QKI: variants seen among roughly 807,000 people sequenced by gnomAD.
QKI encodes the protein QKI, KH domain containing RNA binding.
Under a neutral mutation model 39.0 loss-of-function variants are expected in QKI, and 10 were observed. That is an observed-to-expected ratio of 0.26 (90% CI 0.16 to 0.43). The LOEUF (loss-of-function observed/expected upper bound fraction) is 0.43, where lower values mean the gene tolerates loss of function less well. Ranked by LOEUF, QKI falls within the 20% of genes least tolerant of loss-of-function variation. The probability of loss-of-function intolerance (pLI) is 1.00; values close to 1 mark genes in which losing one functional copy is unlikely to be tolerated. For synonymous variants in QKI, 204 were observed against 155.4 expected (o/e 1.31, Z -2.33); for missense variants, 218 against 428.0 (o/e 0.51, Z 4.33).
chr6:163,567,684 A>G (rs1278232141), intron 7 of QKI: 1 of 984,992 alleles, frequency 1.0e-6, no homozygotes, highest in East Asian at 1.1e-4. Flanking sequence ...ATTGTTTTCT[A>G]AGTTTTTCCA....
At chr6:163,445,790 A>G (rs972267025) in intron 1 of QKI, among the ~76,000 whole-genome samples, 1 of 151,728 alleles carries the variant, frequency 6.6e-6, no homozygotes, top group Non-Finnish European at 1.5e-5. Flanking sequence ...AATTTTTTGT[A>G]TTTTTAGTAG....
chr6:163,476,300 ATCT>A (rs1380668124), intron 2 of QKI, among the ~76,000 whole-genome samples: 22 of 146,180 alleles, frequency 1.5e-4, no homozygotes, highest in Non-Finnish European at 3.3e-4. Context: ...TTTTTAAATC[ATCT>A]TCTTTGTCCT....
At chr6:163,517,455 T>C (rs907861871) in intron 3 of QKI, among the ~76,000 whole-genome samples, 2 of 152,208 alleles carry the variant, frequency 1.3e-5, no homozygotes, top group African/African-American at 4.8e-5. Context: ...CTAGCTCTTT[T>C]GGCTCAGGCT....
intron 4 of QKI, among the ~76,000 whole-genome samples, chr6:163,541,986 A>G (rs532858055): frequency 1.8e-4 from 28 of 151,968 alleles, no homozygotes; most frequent in African/African-American, 6.5e-4. Context: ...GTTACTTGCA[A>G]CTGCATGTCA....
intron 2 of QKI, 79 bp from the exon 3 acceptor site, chr6:163,478,701 G>T (rs1583060338): frequency 2.2e-6 from 2 of 901,712 alleles, no homozygotes; most frequent in East Asian, 5.1e-5. Flanking sequence ...GTAAGTAAAT[G>T]TAGATATACT....
rs898847736 is a variant in QKI at position 163,572,922 on chromosome 6, T to C, written c.*2212T>C. ...ATACAGTTTTGATTTATTTACAATA[T>C]ATGCTGTGCCATTTTGATTTTTATA... On this transcript the variant is annotated 3_prime_UTR_variant, in exon 8 of 8. Coordinates refer to ENST00000361752, the MANE Select transcript of QKI (RefSeq NM_006775.3). The C allele has an allele frequency of 3.9e-5, 6 of 152,142 alleles. No homozygotes were observed. The highest frequency in any genetic ancestry group is 1.4e-4 in the African/African-American group (6 of 41,434). The allele number at this position is 152,142 out of a possible 1,614,324, so 9.4% of individuals were successfully genotyped here. A position where few individuals can be genotyped will look rare whatever the true frequency, so the allele number is the denominator to read the frequency against.
intron 4 of QKI, among the ~76,000 whole-genome samples, chr6:163,549,486 G>A (rs546384813): frequency 2.0e-5 from 3 of 152,094 alleles, no homozygotes; most frequent in East Asian, 1.9e-4. Context: ...TGAGGCGGGC[G>A]GATCTCTTGA....
chr6:163,432,211 A>G (rs1788886733), intron 1 of QKI, among the ~76,000 whole-genome samples: 1 of 152,168 alleles, frequency 6.6e-6, no homozygotes, highest in African/African-American at 2.4e-5. Context: ...AATACAATCA[A>G]GCATCTAATG....
chr6:163,498,576 C>T (rs1778553898), intron 3 of QKI, among the ~76,000 whole-genome samples: 1 of 152,000 alleles, frequency 6.6e-6, no homozygotes. Context: ...CTCCCTTCTT[C>T]CTTTTGTTCT....
intron 1 of QKI, among the ~76,000 whole-genome samples, chr6:163,438,314 T>C (rs9456863): frequency 0.079 from 11,987 of 152,278 alleles, 534 homozygotes; most frequent in Middle Eastern, 0.12. Context: ...AGTCATCATT[T>C]ATAATGACAT....
Position 163,535,062 on chromosome 6 carries a change from G to A in QKI, c.483G>A (p.Gln161=), listed in dbSNP as rs1260903157. The change falls in exon 4 of 8, where the codon CAG becomes CAA. Residue 161 remains glutamine (Q), a synonymous_variant. Coordinates refer to ENST00000361752, the MANE Select transcript of QKI (RefSeq NM_006775.3). ...LHVLITVEDA[Q]NRAEIKLKRA... ...TACTAATCACTGTGGAAGATGCTCA[G>A]AACAGAGCAGAAATCAAATTGAAGA... is the stretch of plus-strand genomic sequence containing the variant. 2.5e-6 allele frequency: 4 copies of A among 1,611,686 alleles called. No individual in the cohort carries two copies. The African/African-American group carries it at 4.0e-5, about 16-fold the overall frequency.
chr6:163,467,761 CAA>C (rs1791875835), intron 2 of QKI, among the ~76,000 whole-genome samples: 1 of 152,098 alleles, frequency 6.6e-6, no homozygotes, highest in South Asian at 2.1e-4. Context: ...CCTCAAAACA[CAA>C]GACATTTTGG....
intron 2 of QKI, among the ~76,000 whole-genome samples, chr6:163,457,100 T>TC (rs1175004351): frequency 1.3e-5 from 2 of 152,146 alleles, no homozygotes; most frequent in African/African-American, 4.8e-5. Context: ...GTTAGGTTTT[T>TC]CACTATCCTG....
chr6:163,461,515 A>C (rs1324211088), intron 2 of QKI, among the ~76,000 whole-genome samples: 2 of 152,194 alleles, frequency 1.3e-5, no homozygotes, highest in Non-Finnish European at 2.9e-5. Flanking sequence ...TCTATGGTTT[A>C]TCTAAAAAGA....
chr6:163,565,742 T>TTCTA, intron 6 of QKI: 1 of 1,244,842 alleles, frequency 8.0e-7, no homozygotes, highest in South Asian at 3.1e-5. Context: ...CTCAGAAAAT[T>TTCTA]ATTTTAAATT....
intron 1 of QKI, among the ~76,000 whole-genome samples, chr6:163,438,978 A>G (rs1789524440): frequency 6.6e-6 from 1 of 152,098 alleles, no homozygotes; most frequent in South Asian, 2.1e-4. Flanking sequence ...TTATTCTATA[A>G]GCTCTTTTCT....
At chr6:163,527,527 A>G (rs1031800866) in intron 3 of QKI, among the ~76,000 whole-genome samples, 2 of 152,122 alleles carry the variant, frequency 1.3e-5, no homozygotes, top group African/African-American at 2.4e-5. Flanking sequence ...CAAATGCATA[A>G]TTAAGAGAGT....
chr6:163,482,196 G>A (rs1242269486), intron 3 of QKI, among the ~76,000 whole-genome samples: 2 of 151,878 alleles, frequency 1.3e-5, no homozygotes, highest in African/African-American at 4.8e-5. Flanking sequence ...GGGGAAAAAA[G>A]AAAAAGAAAC....
chr6:163,533,813 G>A (rs1156308300), intron 3 of QKI, among the ~76,000 whole-genome samples: 3 of 151,944 alleles, frequency 2.0e-5, no homozygotes, highest in Non-Finnish European at 4.4e-5. Context: ...CTTACAATAT[G>A]TGGATGCATT....
Sources: allele counts gnomAD v4.1 joint callset (sites outside exome capture counted in the v4.1 genomes callset), GRCh38; gene constraint gnomAD v4.1.1; transcripts MANE v1.5; gene names NCBI Gene and HGNC (gene_info 2026-07-23, HGNC 2026-07-21).